Variants in NSL1 observed in about 807,000 individuals in gnomAD.
The protein encoded by NSL1 is NSL1 component of MIS12 kinetochore complex, also known as kinetochore-associated protein NSL1 homolog.
A neutral mutation model predicts 25.4 loss-of-function variants in NSL1; 11 were observed. The observed-to-expected ratio is 0.43, with a 90% CI of 0.27 to 0.72. The LOEUF (loss-of-function observed/expected upper bound fraction) is 0.72, where lower values mean the gene tolerates loss of function less well. Ranked by LOEUF, NSL1 falls within the 30% of genes least tolerant of loss-of-function variation. The pLI is 0.19. For missense variants in NSL1, 330 were observed against 342.7 expected, an observed-to-expected ratio of 0.96 and a Z score of 0.29; for synonymous variants, 118 against 120.6, an observed-to-expected ratio of 0.98 and a Z score of 0.14.
At chr1:212,773,621 T>C (rs1400892768) in intron 4 of NSL1, among the ~76,000 whole-genome samples, 3 of 151,992 alleles carry the variant, frequency 2.0e-5, no homozygotes, top group Admixed American at 6.6e-5. Context: ...TGGAAAACAA[T>C]ATGGAGGTTC....
At chr1:212,761,942 T>C (rs1249714216) in intron 4 of NSL1, among the ~76,000 whole-genome samples, 1 of 84,670 alleles carries the variant, frequency 1.2e-5, no homozygotes, top group Non-Finnish European at 2.4e-5. Context: ...ACACATAAAA[T>C]ACAGTAACAC....
At chr1:212,759,138 A>T (rs895682336) in intron 4 of NSL1, among the ~76,000 whole-genome samples, 3 of 152,264 alleles carry the variant, frequency 2.0e-5, no homozygotes, top group African/African-American at 7.2e-5. Context: ...TATATTAGAC[A>T]ACAGTTTCTA....
At chr1:212,752,891 A>G (rs1370831253) in intron 4 of NSL1, among the ~76,000 whole-genome samples, 1 of 110,768 alleles carries the variant, frequency 9.0e-6, no homozygotes. Context: ...AAATTCAGCA[A>G]AAAAAAAAAA....
At chr1:212,762,727 C>A (rs72758444) in intron 4 of NSL1, among the ~76,000 whole-genome samples, 5,425 of 152,212 alleles carry the variant, frequency 0.036, 145 homozygotes, top group Middle Eastern at 0.078. Flanking sequence ...TTAACCCTAC[C>A]GAGAGCTGGA....
At position 212,752,346 on chromosome 1, in the gene NSL1, G is replaced by A. The variant is rs151095945; in HGVS notation, c.500-12745C>T. Among the ~76,000 whole-genome samples the A allele has an allele frequency of 1.6e-3, 240 of 152,212 alleles. 2 individuals are homozygous for A. The highest frequency in any genetic ancestry group is 8.9e-3 in the East Asian group (46 of 5,182). On this transcript the variant is annotated intron_variant, in intron 4 of 5. Coordinates refer to ENST00000366977, the MANE Select transcript of NSL1 (RefSeq NM_015471.4). ...TTTTAAAGTGTAACTATTTGTGAGT[G>A]GCTACCTGTAAATATTGTGACAGTG...
chr1:212,788,536 A>C (rs892472647), intron 1 of NSL1, among the ~76,000 whole-genome samples: 1 of 152,222 alleles, frequency 6.6e-6, no homozygotes, highest in African/African-American at 2.4e-5. Context: ...AAAACAAAAA[A>C]CAAAAACAAA....
At chr1:212,755,509 T>A (rs1363426505) in intron 4 of NSL1, among the ~76,000 whole-genome samples, 1 of 151,466 alleles carries the variant, frequency 6.6e-6, no homozygotes, top group East Asian at 1.9e-4. Context: ...ATAAAAACCA[T>A]GGAGTTGAAC....
intron 1 of NSL1, among the ~76,000 whole-genome samples, chr1:212,791,032 T>C (rs932565792): frequency 1.3e-5 from 2 of 152,202 alleles, no homozygotes; most frequent in Non-Finnish European, 2.9e-5. Context: ...TCCAGGAGAA[T>C]TCCTCATTGT....
At chr1:212,747,859 G>T (rs1658878353) in intron 4 of NSL1, among the ~76,000 whole-genome samples, 1 of 151,890 alleles carries the variant, frequency 6.6e-6, no homozygotes, top group African/African-American at 2.4e-5. Context: ...TCTGCCTCCT[G>T]GTTCAAGTGA....
chr1:212,789,384 G>C (rs1661079773), intron 1 of NSL1, among the ~76,000 whole-genome samples: 2 of 152,078 alleles, frequency 1.3e-5, no homozygotes, highest in African/African-American at 4.8e-5. Flanking sequence ...GCTAATTTTT[G>C]TATTTTTAGT....
chr1:212,732,292 T>C lies in NSL1; in HGVS notation c.*6116A>G. 2 of 973,716 alleles carry C rather than the reference T, an allele frequency of 2.1e-6. No homozygotes were observed. The highest frequency in any genetic ancestry group is 4.8e-5 in the South Asian group (1 of 21,040). The allele number at this position is 973,716 out of a possible 1,614,324, so 60.3% of individuals were successfully genotyped here. On this transcript the variant is annotated 3_prime_UTR_variant, in exon 6 of 6. Coordinates refer to ENST00000366977, the MANE Select transcript of NSL1 (RefSeq NM_015471.4). ...TCACTTTTATTTTTTTCTGAAAATA[T>C]CTCTTTTGGAGTCCTACATAGTCCT...
At chr1:212,780,281 T>C (rs946744241) in intron 4 of NSL1, among the ~76,000 whole-genome samples, 27 of 152,250 alleles carry the variant, frequency 1.8e-4, no homozygotes, top group Non-Finnish European at 3.1e-4. Flanking sequence ...AAGATGTGCT[T>C]TGTTAAACAG....
chr1:212,752,492 C>G (rs2102444151), intron 4 of NSL1, among the ~76,000 whole-genome samples: 1 of 152,196 alleles, frequency 6.6e-6, no homozygotes, highest in East Asian at 1.9e-4. Context: ...TAAAATAGCT[C>G]CTTGCCATCG....
At chr1:212,782,137 G>A in intron 4 of NSL1, 3 of 706,806 alleles carry the variant, frequency 4.2e-6, no homozygotes, top group South Asian at 4.2e-5. Flanking sequence ...GTCTGGGTCA[G>A]GCAAGAACTT....
intron 4 of NSL1, among the ~76,000 whole-genome samples, chr1:212,778,534 G>C (rs1055105886): frequency 4.6e-5 from 7 of 152,112 alleles, no homozygotes; most frequent in Non-Finnish European, 7.4e-5. Context: ...GAGTGCCTGC[G>C]ATTGCAGGCG....
rs965826724 is a variant in NSL1, at chr1:212,728,088, A to C, written c.*10320T>G. The C allele has an allele frequency of 2.0e-6, 2 of 984,028 alleles. No individual in the cohort carries two copies. Among genetic ancestry groups the C allele is most frequent in the African/African-American group, 1.7e-5 (1 of 57,154 alleles). The allele number at this position is 984,028 out of a possible 1,614,324, so 61.0% of individuals were successfully genotyped here. ...GCCAGGCACTTCCCTTCTCATCTCCACCTCTTTCTCATGAAATGGGCGTGG... is the reference window on the plus strand; with the variant it reads ...GCCAGGCACTTCCCTTCTCATCTCCCCCTCTTTCTCATGAAATGGGCGTGG... On this transcript the variant is annotated 3_prime_UTR_variant, in exon 6 of 6. Coordinates refer to ENST00000366977, the MANE Select transcript of NSL1 (RefSeq NM_015471.4).
At chr1:212,752,132 C>G (rs914013217) in intron 4 of NSL1, among the ~76,000 whole-genome samples, 1 of 152,154 alleles carries the variant, frequency 6.6e-6, no homozygotes, top group Non-Finnish European at 1.5e-5. Flanking sequence ...TATAGTGGAA[C>G]TAATATGCAT....
chr1:212,781,218 G>A (rs765105818), intron 4 of NSL1, among the ~76,000 whole-genome samples: 4 of 152,196 alleles, frequency 2.6e-5, no homozygotes, highest in Admixed American at 6.5e-5. Context: ...TCAGAACAGT[G>A]AAAGTAAAAT....
At chr1:212,766,483 T>C (rs753660877) in intron 4 of NSL1, among the ~76,000 whole-genome samples, 1 of 150,110 alleles carries the variant, frequency 6.7e-6, no homozygotes, top group East Asian at 2.0e-4. Context: ...CTCTACTAAA[T>C]ATACAAAAAA....
Sources: gnomAD v4.1 joint callset for allele counts (sites outside exome capture counted in the v4.1 genomes callset) on GRCh38, gnomAD v4.1.1 for gene constraint, MANE v1.5 for transcripts, NCBI Gene and HGNC (gene_info 2026-07-23, HGNC 2026-07-21) for gene names.